EPHA10: variants seen among roughly 807,000 people sequenced by gnomAD.
EPHA10 encodes the protein ephrin type-A receptor 10.
Under a neutral mutation model 109.7 loss-of-function variants are expected in EPHA10, and 120 were observed. The observed-to-expected ratio is 1.09, with a 90% CI of 0.94 to 1.27. The LOEUF is 1.27. Among genes scored for constraint, EPHA10 ranks in the 50% most tolerant of loss-of-function variants. EPHA10 has a pLI of 0.00. For synonymous variants in EPHA10, 640 were observed against 618.9 expected (o/e 1.03, Z -0.51); for missense variants, 1,396 against 1,411.1 (o/e 0.99, Z 0.17).
At chr1:37,760,637 T>A (rs563840745) in intron 3 of EPHA10, 9 of 229,316 alleles carry the variant, frequency 3.9e-5, no homozygotes, top group African/African-American at 2.0e-4. Flanking sequence ...GCTGTAGAGT[T>A]CTTCCTTATG....
chr1:37,743,994 C>T (rs1209011202), intron 5 of EPHA10, among the ~76,000 whole-genome samples: 4 of 152,044 alleles, frequency 2.6e-5, no homozygotes, highest in African/African-American at 4.8e-5. Flanking sequence ...ATTTTTACCA[C>T]GTACAAACCT....
In EPHA10 at chr1:37,717,178, G is replaced by A. The variant is rs59477801; in HGVS notation, c.*1194C>T. 0.026 allele frequency: 5,962 copies of A among 232,878 alleles called. 341 individuals are homozygous for A. Among genetic ancestry groups the A allele is most frequent in the African/African-American group, 0.12 (5,554 of 45,384 alleles). 14.4% of individuals were successfully genotyped at this position (232,878 alleles called of 1,614,324 possible). The stretch of plus-strand genomic sequence containing the variant: ...ATACTGGGCCCCACCATTCCCGGGG[G>A]CCCTTGTGGATAAGGAACTCCACGG... On this transcript the variant is annotated 3_prime_UTR_variant, in exon 17 of 17. Transcript: ENST00000373048.
intron 7 of EPHA10, among the ~76,000 whole-genome samples, chr1:37,730,216 C>T (rs753633964): frequency 2.0e-5 from 3 of 152,180 alleles, no homozygotes; most frequent in South Asian, 2.1e-4. Flanking sequence ...TGCATTCAGG[C>T]GAGAAGTGTG....
rs565501242 is a variant in EPHA10 at position 37,764,883 on chromosome 1, C to T, written c.106+78G>A. ...CAGACTCTAGTCTCTCCAATGACTC[C>T]TTCCCCCAGAACCCCCATCGCCAGC... On this transcript the variant is annotated intron_variant, in intron 1 of 16. Coordinates refer to ENST00000373048, the MANE Select transcript of EPHA10 (RefSeq NM_001099439.2). The surrounding 1 kb of genome is among the most constrained non-coding windows in gnomAD (Gnocchi z 5.8). The T allele has an allele frequency of 4.6e-5, 61 of 1,339,756 alleles. No homozygotes were observed. The highest frequency in any genetic ancestry group is 5.7e-5 in the Non-Finnish European group (55 of 969,334). 83.0% of individuals were successfully genotyped at this position (1,339,756 alleles called of 1,614,324 possible). A position where few individuals can be genotyped will look rare whatever the true frequency, so the allele number is the denominator to read the frequency against.
At chr1:37,720,267 G>C in intron 13 of EPHA10, 84 bp downstream of exon 13, 1 of 1,463,502 alleles carries the variant, frequency 6.8e-7, no homozygotes, top group Non-Finnish European at 9.2e-7. Context: ...GCAGGGAAAG[G>C]AGTAGAAGTG....
In EPHA10 at chr1:37,717,935, C is replaced by G. The variant is rs577330242; in HGVS notation, c.*437G>C. ...CACTGCCAGGTAGAAGAAGACCCCC[C>G]CAGGACCCACGCTGTCTGACTGGTC... On this transcript the variant is annotated 3_prime_UTR_variant, in exon 17 of 17. Transcript: ENST00000373048. 3.2e-5 allele frequency: 8 copies of G among 247,782 alleles called. No individual in the cohort carries two copies. In the East Asian group the frequency reaches 4.2e-4, roughly 13 times the overall value. 15.3% of individuals were successfully genotyped at this position (247,782 alleles called of 1,614,324 possible). A position where few individuals can be genotyped will look rare whatever the true frequency, so the allele number is the denominator to read the frequency against.
At chr1:37,719,053 T>C (rs983452102) in intron 15 of EPHA10, 26 of 615,444 alleles carry the variant, frequency 4.2e-5, no homozygotes, top group Non-Finnish European at 6.8e-5. Context: ...TCCGGAACAG[T>C]CTGGGGTAGG....
intron 5 of EPHA10, among the ~76,000 whole-genome samples, chr1:37,751,201 C>CAAAAAAAAAA: frequency 2.2e-5 from 1 of 46,126 alleles, no homozygotes; most frequent in Non-Finnish European, 4.1e-5. Context: ...AGACTCCTCT[C>CAAAAAAAAAA]AAAAAAAAAA....
Position 37,716,944 on chromosome 1 carries a change from C to T in EPHA10, c.*1428G>A, listed in dbSNP as rs765499239. The T allele has an allele frequency of 3.9e-5, 9 of 233,022 alleles. No individual in the cohort carries two copies. The highest frequency in any genetic ancestry group is 6.8e-5 in the Non-Finnish European group (8 of 118,000). The allele number at this position is 233,022 out of a possible 1,614,324, so 14.4% of individuals were successfully genotyped here. ...CTGGAATTACTTCTTGGTACCTGAGCTCTTCTCCTGGTCTAGTCTGAGCCC... is the reference window on the plus strand; with the variant it reads ...CTGGAATTACTTCTTGGTACCTGAGTTCTTCTCCTGGTCTAGTCTGAGCCC... On this transcript the variant is annotated 3_prime_UTR_variant, in exon 17 of 17. Transcript: ENST00000373048.
At chr1:37,722,123 T>G (rs892362663) in intron 10 of EPHA10, 38 of 330,590 alleles carry the variant, frequency 1.1e-4, no homozygotes, top group African/African-American at 7.6e-4. Context: ...AGAGCAAGAC[T>G]CGGTCTCAAA....
At position 37,720,376 on chromosome 1, in the gene EPHA10, C is replaced by T. The variant is rs372556495; in HGVS notation, c.2387G>A (p.Arg796Gln). The change falls in exon 13 of 17, where the codon CGA (arginine) becomes CAA (glutamine). Residue 796 changes from arginine to glutamine, a missense_variant. Transcript: ENST00000373048. The part of the protein sequence containing the change: ...ISGFGRGPRD[R>Q]SEAVYTTMSG... ...CATAGTGGTGTAGACAGCCTCTGATCGGTCCCGGGGGCCCCGCCCGAAGCC... is the reference window on the plus strand; with the variant it reads ...CATAGTGGTGTAGACAGCCTCTGATTGGTCCCGGGGGCCCCGCCCGAAGCC... 2.7e-5 allele frequency: 43 copies of T among 1,611,242 alleles called. No individual in the cohort carries two copies. Among genetic ancestry groups the T allele is most frequent in the South Asian group, 2.1e-4 (19 of 90,736 alleles).
At chr1:37,737,762 G>A (rs1232944457) in intron 5 of EPHA10, among the ~76,000 whole-genome samples, 1 of 152,090 alleles carries the variant, frequency 6.6e-6, no homozygotes, top group African/African-American at 2.4e-5. Context: ...AGACAAATGA[G>A]ACTACATCAA....
intron 6 of EPHA10, chr1:37,734,749 C>A: frequency 2.4e-6 from 1 of 416,452 alleles, no homozygotes; most frequent in Admixed American, 3.0e-5. Flanking sequence ...ATTTTATTAT[C>A]ACTGTAAATG....
intron 1 of EPHA10, among the ~76,000 whole-genome samples, chr1:37,763,977 G>A (rs1053256980): frequency 6.6e-6 from 1 of 152,142 alleles, no homozygotes; most frequent in Non-Finnish European, 1.5e-5. Flanking sequence ...GAAGCTTGAA[G>A]TCCCTTTATT....
At chr1:37,750,120 T>C (rs2148359252) in intron 5 of EPHA10, among the ~76,000 whole-genome samples, 1 of 152,310 alleles carries the variant, frequency 6.6e-6, no homozygotes, top group African/African-American at 2.4e-5. Flanking sequence ...ACGTATATAC[T>C]CTAAGATATT....
chr1:37,764,896 C>G lies in EPHA10; in HGVS notation c.106+65G>C. 7.0e-7 allele frequency: 1 copy of G among 1,436,294 alleles called. No homozygotes were observed. The highest frequency in any genetic ancestry group is 9.5e-7 in the Non-Finnish European group (1 of 1,050,492). The allele number at this position is 1,436,294 out of a possible 1,614,324, so 89.0% of individuals were successfully genotyped here. A position where few individuals can be genotyped will look rare whatever the true frequency, so the allele number is the denominator to read the frequency against. ...CTCCAATGACTCCTTCCCCCAGAACCCCCATCGCCAGCCCCCTATCTTTTG... is the reference window on the plus strand; with the variant it reads ...CTCCAATGACTCCTTCCCCCAGAACGCCCATCGCCAGCCCCCTATCTTTTG... On this transcript the variant is annotated intron_variant, in intron 1 of 16. Coordinates refer to ENST00000373048, the MANE Select transcript of EPHA10 (RefSeq NM_001099439.2). The surrounding 1 kb of genome is among the most constrained non-coding windows in gnomAD (Gnocchi z 5.8).
intron 3 of EPHA10, chr1:37,761,028 T>C: frequency 2.0e-6 from 1 of 508,784 alleles, no homozygotes; most frequent in Non-Finnish European, 2.7e-6. Flanking sequence ...AAGTTGCAGT[T>C]AGCCAAGATC....
At position 37,761,819 on chromosome 1, in the gene EPHA10, C is replaced by A. The variant is rs146430998; in HGVS notation, c.436G>T (p.Gly146Cys). ...GTGTCGATTTTGCGGGGCCGGCTGC[C>A]GCCTAGGCGGGGACGCCCACGGCCC... ...DLGRGRPRLG[G>C]SRPRKIDTIA... The change falls in exon 3 of 17, where the codon GGC (glycine) becomes TGC (cysteine). Residue 146 changes from glycine (G) to cysteine (C), a missense_variant. Gly to Cys is a radical substitution (Grantham distance 159). Coordinates refer to ENST00000373048, the MANE Select transcript of EPHA10 (RefSeq NM_001099439.2). 1.5e-5 allele frequency: 25 copies of A among 1,613,584 alleles called. No individual in the cohort carries two copies. The African/African-American group carries it at 3.2e-4, about 21-fold the overall frequency.
intron 9 of EPHA10, 38 bp from the exon 10 acceptor site, chr1:37,723,204 CCACCACTGGGGCTGA>C (rs1645830015): frequency 6.2e-7 from 1 of 1,606,868 alleles, no homozygotes; most frequent in African/African-American, 1.3e-5. Context: ...AATGGGGCCT[CCACCACTGGGGCTGA>C]CAAGCGGGCT....
Sources: gnomAD v4.1 joint callset for allele counts (sites outside exome capture counted in the v4.1 genomes callset) on GRCh38, gnomAD v4.1.1 for gene constraint, Gnocchi (gnomAD v3.1) non-coding constraint, MANE v1.5 for transcripts, NCBI Gene and HGNC (gene_info 2026-07-23, HGNC 2026-07-21) for gene names.